Variants in RPL8 observed in about 807,000 individuals in gnomAD.
RPL8 encodes the protein large ribosomal subunit protein uL2.
For synonymous variants in RPL8, 182 were observed against 143.2 expected (o/e 1.27, Z -1.94); for missense variants, 248 against 365.9 (o/e 0.68, Z 2.63).
Position 144,791,437 on chromosome 8 carries a change from C to A in RPL8, c.339G>T (p.Val113=). The A allele has an allele frequency of 6.2e-7, 1 of 1,613,952 alleles. No homozygotes were observed. Among genetic ancestry groups the A allele is most frequent in the Non-Finnish European group, 8.5e-7 (1 of 1,180,032 alleles). The change falls in exon 3 of 5, where the codon GTG becomes GTT. Residue 113 remains valine, a synonymous_variant. Transcript: ENST00000528957. ...CTCCAGGCTTCTCCTCCAGGCAGCA[C>A]ACGATTGTACCCTCAGGCATGGTGC... is the stretch of plus-strand genomic sequence containing the variant. ...PVGTMPEGTI[V]CCLEEKPGDR...
At position 144,791,268 on chromosome 8, in the gene RPL8, G is replaced by C. The variant is rs1297125938; in HGVS notation, c.499+9C>G. On this transcript the variant is annotated intron_variant, in intron 3 of 4. Coordinates refer to ENST00000528957, the MANE Select transcript of RPL8 (RefSeq NM_001317782.2). Reference sequence around the variant, plus strand: ...AGCCCTCAGCATTCAACTGCTGCCTGATACTCACCAACCACAGCTCTGTTG... The same window carrying C: ...AGCCCTCAGCATTCAACTGCTGCCTCATACTCACCAACCACAGCTCTGTTG... The C allele has an allele frequency of 1.2e-5, 19 of 1,610,750 alleles. No individual in the cohort carries two copies. Among genetic ancestry groups the C allele is most frequent in the Non-Finnish European group, 1.5e-5 (18 of 1,179,564 alleles).
At chr8:144,790,244 C>T in intron 4 of RPL8, 111 bp downstream of exon 4, 1 of 921,832 alleles carries the variant, frequency 1.1e-6, no homozygotes, top group Middle Eastern at 3.3e-4. Flanking sequence ...CCTGCTGCTC[C>T]TCCCACCGTA....
In RPL8 at chr8:144,791,932, G is replaced by C; in HGVS notation, c.139-18C>G. 1.2e-6 allele frequency: 2 copies of C among 1,611,422 alleles called. No individual in the cohort carries two copies. Among genetic ancestry groups the C allele is most frequent in the Non-Finnish European group, 1.7e-6 (2 of 1,178,948 alleles). On this transcript the variant is annotated intron_variant, in intron 1 of 4. Transcript: ENST00000528957. ...ATGATGTCCTGTGGGCAGAGGCGGCGTGAGTGCGGCGTTCCGGCCGGGCGT... is the reference window on the plus strand; with the variant it reads ...ATGATGTCCTGTGGGCAGAGGCGGCCTGAGTGCGGCGTTCCGGCCGGGCGT...
At chr8:144,791,111 A>C in intron 3 of RPL8, 166 bp downstream of exon 3, 1 of 651,970 alleles carries the variant, frequency 1.5e-6, no homozygotes, top group Non-Finnish European at 2.7e-6. Flanking sequence ...CCTGTTGTAC[A>C]GTGATGACAA....
chr8:144,791,179 T>C, intron 3 of RPL8, 98 bp downstream of exon 3: 1 of 1,217,508 alleles, frequency 8.2e-7, no homozygotes, highest in Non-Finnish European at 1.2e-6. Context: ...CAACAGGTAA[T>C]CGAATTCCAG....
rs573050991 is a variant in RPL8, at chr8:144,791,240, C to T, written c.499+37G>A. 1.1e-5 allele frequency: 17 copies of T among 1,595,346 alleles called. No homozygotes were observed. The African/African-American group carries it at 1.6e-4, about 15-fold the overall frequency. ...CACCGGCACTCACAGCATGTTCACC[C>T]ACAGCCCTCAGCATTCAACTGCTGC... On this transcript the variant is annotated intron_variant, in intron 3 of 4. Transcript: ENST00000528957.
chr8:144,789,993 C>CTCTTT (rs768250713), intron 4 of RPL8, 31 bp from the exon 5 acceptor site: 1 of 1,579,674 alleles, frequency 6.3e-7, no homozygotes, highest in Non-Finnish European at 8.6e-7. Context: ...CTTTAGAAAC[C>CTCTTT]TCTTCCCCAC....
At position 144,791,024 on chromosome 8, in the gene RPL8, G is replaced by A. The variant is rs1245641275; in HGVS notation, c.499+253C>T. On this transcript the variant is annotated intron_variant, in intron 3 of 4. Transcript: ENST00000528957. The stretch of plus-strand genomic sequence containing the variant: ...CAAGTGCAGCAATCAGGAAGCCCAC[G>A]GTAGAATCCAAGACCCTGGTGACTT... The A allele has an allele frequency of 5.5e-6, 3 of 547,326 alleles. No individual in the cohort carries two copies. In the East Asian group the frequency reaches 9.8e-5, roughly 18 times the overall value. The allele number at this position is 547,326 out of a possible 1,614,324, so 33.9% of individuals were successfully genotyped here. A position where few individuals can be genotyped will look rare whatever the true frequency, so the allele number is the denominator to read the frequency against.
intron 3 of RPL8, 132 bp from the exon 4 acceptor site, chr8:144,790,602 A>G (rs1826471847): frequency 1.4e-6 from 1 of 731,024 alleles, no homozygotes; most frequent in South Asian, 1.5e-5. Flanking sequence ...CCTCCACCCT[A>G]GGGAGCCCCT....
intron 3 of RPL8, 41 bp downstream of exon 3, chr8:144,791,236 C>T: frequency 6.3e-7 from 1 of 1,586,344 alleles, no homozygotes; most frequent in Non-Finnish European, 8.6e-7. Flanking sequence ...ACAGCATGTT[C>T]ACCCACAGCC....
At position 144,791,928 on chromosome 8, in the gene RPL8, C is replaced by A. The variant is rs1325167426; in HGVS notation, c.139-14G>T. The stretch of plus-strand genomic sequence containing the variant: ...GTGGATGATGTCCTGTGGGCAGAGG[C>A]GGCGTGAGTGCGGCGTTCCGGCCGG... On this transcript the variant is annotated splice_polypyrimidine_tract_variant and intron_variant, in intron 1 of 4. Coordinates refer to ENST00000528957, the MANE Select transcript of RPL8 (RefSeq NM_001317782.2). 1.2e-6 allele frequency: 2 copies of A among 1,611,708 alleles called. No individual in the cohort carries two copies. The highest frequency in any genetic ancestry group is 1.1e-5 in the South Asian group (1 of 91,016).
chr8:144,790,504 G>C, intron 3 of RPL8, 34 bp from the exon 4 acceptor site: 2 of 1,519,046 alleles, frequency 1.3e-6, no homozygotes, highest in Non-Finnish European at 1.8e-6. Flanking sequence ...GGAACCCCCA[G>C]TCGGTCAGAG....
intron 3 of RPL8, chr8:144,790,823 A>G: frequency 1.1e-5 from 6 of 551,228 alleles, no homozygotes; most frequent in Non-Finnish European, 1.7e-5. Context: ...CCAGGAACAC[A>G]ACCTCAGAGC....
In RPL8 at chr8:144,792,379, C is replaced by A. The variant is rs577939194; in HGVS notation, c.-250G>T. On this transcript the variant is annotated 5_prime_UTR_variant, in exon 1 of 5. Coordinates refer to ENST00000528957, the MANE Select transcript of RPL8 (RefSeq NM_001317782.2). ...AGGATGACCTACCTGTTCACCAGCG[C>A]GGCCGAAAGAGGAAACACGGCGTCA... 9 of 657,488 alleles carry A rather than the reference C, an allele frequency of 1.4e-5. No homozygotes were observed. The South Asian group carries it at 4.1e-4, about 30-fold the overall frequency. The allele number at this position is 657,488 out of a possible 1,614,324, so 40.7% of individuals were successfully genotyped here. A position where few individuals can be genotyped will look rare whatever the true frequency, so the allele number is the denominator to read the frequency against.
rs1826503149 is a variant in RPL8 at position 144,791,270 on chromosome 8, T to TA, written c.499+6dup. Reference sequence around the variant, plus strand: ...CCCTCAGCATTCAACTGCTGCCTGATACTCACCAACCACAGCTCTGTTGGC... The same window carrying TA: ...CCCTCAGCATTCAACTGCTGCCTGATAACTCACCAACCACAGCTCTGTTGGC... On this transcript the variant is annotated splice_region_variant and intron_variant, in intron 3 of 4. Transcript: ENST00000528957. 1.2e-6 allele frequency: 2 copies of TA among 1,611,068 alleles called. No individual in the cohort carries two copies. The highest frequency in any genetic ancestry group is 4.5e-5 in the East Asian group (2 of 44,892).
rs1826562892 is a variant in RPL8, at chr8:144,792,249, T to C, written c.-120A>G. 1.5e-5 allele frequency: 20 copies of C among 1,316,828 alleles called. No individual in the cohort carries two copies. The highest frequency in any genetic ancestry group is 1.9e-5 in the Non-Finnish European group (20 of 1,027,394). The allele number at this position is 1,316,828 out of a possible 1,614,324, so 81.6% of individuals were successfully genotyped here. On this transcript the variant is annotated 5_prime_UTR_variant, in exon 1 of 5. Coordinates refer to ENST00000528957, the MANE Select transcript of RPL8 (RefSeq NM_001317782.2). ...GCCGCGCCCACCACTCCCTACCCTC[T>C]CCGCGGGCGCCCGCACCGGCATCCT... is the stretch of plus-strand genomic sequence containing the variant.
chr8:144,791,684 G>C (rs1826525040), intron 2 of RPL8, 89 bp downstream of exon 2: 1 of 1,584,308 alleles, frequency 6.3e-7, no homozygotes, highest in East Asian at 2.2e-5. Context: ...CTGCCTGCGA[G>C]GTTCCCATAT....
At position 144,792,168 on chromosome 8, in the gene RPL8, C is replaced by A; in HGVS notation, c.-39G>T. On this transcript the variant is annotated 5_prime_UTR_variant, in exon 1 of 5. Transcript: ENST00000528957. ...GGGGGCGACTCACGATTAGCGCGGC[C>A]GGGCGGCCCGGGTACCCCCGCCAGC... is the stretch of plus-strand genomic sequence containing the variant. 1.4e-6 allele frequency: 2 copies of A among 1,447,662 alleles called. No individual in the cohort carries two copies. The highest frequency in any genetic ancestry group is 2.6e-5 in the East Asian group (1 of 37,840). The allele number at this position is 1,447,662 out of a possible 1,614,324, so 89.7% of individuals were successfully genotyped here.
chr8:144,791,106 T>G, intron 3 of RPL8, 171 bp downstream of exon 3: 1 of 643,760 alleles, frequency 1.6e-6, no homozygotes, highest in East Asian at 2.7e-5. Context: ...TTGTGCCTGT[T>G]GTACAGTGAT....
Sources: allele counts gnomAD v4.1 joint callset, GRCh38; gene constraint gnomAD v4.1.1; transcripts MANE v1.5; gene names NCBI Gene and HGNC (gene_info 2026-07-23, HGNC 2026-07-21).